Variants in LHFPL3 observed in about 807,000 individuals in gnomAD.
LHFPL3 encodes LHFPL tetraspan subfamily member 3, also known as LHFPL tetraspan subfamily member 3 protein.
In LHFPL3, 5 loss-of-function variants were observed where a neutral mutation model predicts 19.3. That is an observed-to-expected ratio of 0.26 (90% CI 0.14 to 0.54). The LOEUF (loss-of-function observed/expected upper bound fraction) is 0.54. Ranked by LOEUF, LHFPL3 falls within the 20% of genes least tolerant of loss-of-function variation. LHFPL3 has a pLI of 0.94. For synonymous variants in LHFPL3, 133 were observed against 126.2 expected (o/e 1.05, Z -0.36); for missense variants, 249 against 307.4 (o/e 0.81, Z 1.42).
At chr7:104,448,159 A>G (rs1414173829) in intron 1 of LHFPL3, among the ~76,000 whole-genome samples, 2 of 152,176 alleles carry the variant, frequency 1.3e-5, no homozygotes, top group Non-Finnish European at 2.9e-5. Flanking sequence ...ATTAATATCA[A>G]TAGTTAATTG....
intron 1 of LHFPL3, among the ~76,000 whole-genome samples, chr7:104,434,646 C>T (rs1246706160): frequency 6.6e-6 from 1 of 152,142 alleles, no homozygotes; most frequent in East Asian, 1.9e-4. Context: ...GTAGAGTCCT[C>T]TACTGCATGT....
intron 1 of LHFPL3, among the ~76,000 whole-genome samples, chr7:104,520,125 A>G (rs1794023564): frequency 6.6e-6 from 1 of 152,064 alleles, no homozygotes; most frequent in African/African-American, 2.4e-5. Flanking sequence ...CGTCCCATCA[A>G]TACCTAATTT....
At chr7:104,637,826 C>CTTT (rs375790026) in intron 1 of LHFPL3, among the ~76,000 whole-genome samples, 10 of 108,932 alleles carry the variant, frequency 9.2e-5, no homozygotes, top group African/African-American at 1.8e-4. Context: ...ATGCCTCCAG[C>CTTT]TTTTTTTTTT....
chr7:104,615,287 G>A (rs1249374148), intron 1 of LHFPL3, among the ~76,000 whole-genome samples: 1 of 152,268 alleles, frequency 6.6e-6, no homozygotes, highest in Admixed American at 6.5e-5. Context: ...TAAAACATTT[G>A]TACTAATGCT....
chr7:104,529,081 A>G (rs1238755010), intron 1 of LHFPL3, among the ~76,000 whole-genome samples: 2 of 152,144 alleles, frequency 1.3e-5, no homozygotes, highest in Non-Finnish European at 2.9e-5. Context: ...GACCAGTGGG[A>G]GAAGAGCAGG....
At chr7:104,627,616 T>C (rs572859889) in intron 1 of LHFPL3, among the ~76,000 whole-genome samples, 1 of 152,282 alleles carries the variant, frequency 6.6e-6, no homozygotes, top group East Asian at 1.9e-4. Context: ...GATTTCCTAC[T>C]CAGCTGTTCT....
At chr7:104,628,956 T>C (rs1203689498) in intron 1 of LHFPL3, among the ~76,000 whole-genome samples, 3 of 152,202 alleles carry the variant, frequency 2.0e-5, no homozygotes, top group African/African-American at 7.2e-5. Context: ...ACTGGTCCTA[T>C]CAAACATTAA....
chr7:104,763,307 C>T (rs1794407044), intron 2 of LHFPL3, among the ~76,000 whole-genome samples: 1 of 152,150 alleles, frequency 6.6e-6, no homozygotes, highest in South Asian at 2.1e-4. Context: ...TATCTCGTTC[C>T]AAGAAAACTA....
At chr7:104,472,803 A>G (rs1306791625) in intron 1 of LHFPL3, among the ~76,000 whole-genome samples, 2 of 152,162 alleles carry the variant, frequency 1.3e-5, no homozygotes, top group East Asian at 3.8e-4. Flanking sequence ...TTTGGTTACT[A>G]TCCCTTAAGT....
chr7:104,738,074 A>G (rs180688941), intron 2 of LHFPL3, among the ~76,000 whole-genome samples: 1 of 152,258 alleles, frequency 6.6e-6, no homozygotes, highest in Non-Finnish European at 1.5e-5. Context: ...GTCACCCACA[A>G]ACCCCTTTTC....
Position 104,396,818 on chromosome 7 carries a change from A to C in LHFPL3, c.445+67594A>C, listed in dbSNP as rs1285484228. On this transcript the variant is annotated intron_variant, in intron 1 of 2. Coordinates refer to ENST00000424859, the MANE Select transcript of LHFPL3 (RefSeq NM_199000.3). Reference sequence around the variant, plus strand: ...CCAAAAACACACACACACACACACAAAATTCACTGGGCGTGATGGCCTGCG... The same window carrying C: ...CCAAAAACACACACACACACACACACAATTCACTGGGCGTGATGGCCTGCG... 1.5e-4 allele frequency among the ~76,000 whole-genome samples: 22 copies of C among 151,280 alleles called. No individual in the cohort carries two copies. The East Asian group carries it at 3.1e-3, about 21-fold the overall frequency.
At chr7:104,874,738 C>T (rs1791905168) in intron 2 of LHFPL3, among the ~76,000 whole-genome samples, 1 of 152,090 alleles carries the variant, frequency 6.6e-6, no homozygotes, top group African/African-American at 2.4e-5. Flanking sequence ...CTTATGCTTA[C>T]TGAGTTGGGT....
At chr7:104,543,900 AAATAT>A (rs915510713) in intron 1 of LHFPL3, among the ~76,000 whole-genome samples, 22 of 144,044 alleles carry the variant, frequency 1.5e-4, no homozygotes, top group African/African-American at 2.9e-4. Flanking sequence ...ATGTACCCCA[AAATAT>A]AATAATAATA....
chr7:104,550,911 A>G (rs1794650882), intron 1 of LHFPL3, among the ~76,000 whole-genome samples: 2 of 152,150 alleles, frequency 1.3e-5, no homozygotes, highest in East Asian at 1.9e-4. Flanking sequence ...AAAGAATGAA[A>G]TCCCTTCAAA....
At chr7:104,637,781 T>C (rs542859589) in intron 1 of LHFPL3, among the ~76,000 whole-genome samples, 23 of 151,518 alleles carry the variant, frequency 1.5e-4, no homozygotes, top group African/African-American at 5.6e-4. Flanking sequence ...TTGGTTATTG[T>C]AGCCCTTTAG....
chr7:104,647,863 T>C (rs1351746834), intron 1 of LHFPL3, among the ~76,000 whole-genome samples: 1 of 152,162 alleles, frequency 6.6e-6, no homozygotes, highest in Non-Finnish European at 1.5e-5. Flanking sequence ...TGACAATTCG[T>C]TGGCCAGAGA....
At chr7:104,358,807 G>A (rs893737521) in intron 1 of LHFPL3, among the ~76,000 whole-genome samples, 11 of 152,138 alleles carry the variant, frequency 7.2e-5, no homozygotes, top group Non-Finnish European at 1.3e-4. Context: ...TTTTCTTCTC[G>A]ATAAATTCTT....
At chr7:104,643,071 C>T (rs914511766) in intron 1 of LHFPL3, among the ~76,000 whole-genome samples, 1 of 152,140 alleles carries the variant, frequency 6.6e-6, no homozygotes, top group African/African-American at 2.4e-5. Flanking sequence ...ATAGAATCAG[C>T]TTTGTTTCTA....
At chr7:104,345,139 A>G (rs1334538702) in intron 1 of LHFPL3, among the ~76,000 whole-genome samples, 1 of 152,156 alleles carries the variant, frequency 6.6e-6, no homozygotes, top group Non-Finnish European at 1.5e-5. Flanking sequence ...TTGTAAAGAT[A>G]TATTTTCCTA....
Sources: gnomAD v4.1 joint callset for allele counts (sites outside exome capture counted in the v4.1 genomes callset) on GRCh38, gnomAD v4.1.1 for gene constraint, MANE v1.5 for transcripts, NCBI Gene and HGNC (gene_info 2026-07-23, HGNC 2026-07-21) for gene names.